NSMCE2: variants seen among roughly 807,000 people sequenced by gnomAD.
NSMCE2 encodes the protein E3 SUMO-protein ligase NSE2.
In NSMCE2, 24 loss-of-function variants were observed where a neutral mutation model predicts 23.8. That is an observed-to-expected ratio of 1.01 (90% CI 0.73 to 1.42). The LOEUF (loss-of-function observed/expected upper bound fraction) is 1.42, where lower values mean the gene tolerates loss of function less well. Among genes scored for constraint, NSMCE2 ranks in the 40% most tolerant of loss-of-function variants. The pLI, the probability that NSMCE2 is intolerant of heterozygous loss-of-function variation, is 0.00. For synonymous variants in NSMCE2, 92 were observed against 94.1 expected, an observed-to-expected ratio of 0.98 and a Z score of 0.13; for missense variants, 284 against 296.5, an observed-to-expected ratio of 0.96 and a Z score of 0.31.
chr8:125,258,540 A>T (rs1826538913), intron 5 of NSMCE2, among the ~76,000 whole-genome samples: 1 of 152,068 alleles, frequency 6.6e-6, no homozygotes, highest in Non-Finnish European at 1.5e-5. Flanking sequence ...CAGCCTGGAC[A>T]AAAGCAAAGT....
chr8:125,272,177 C>G (rs7826327), intron 5 of NSMCE2, among the ~76,000 whole-genome samples: 2 of 151,890 alleles, frequency 1.3e-5, no homozygotes, highest in Middle Eastern at 3.4e-3. Context: ...TCATGCCTGT[C>G]GAATTTTTTT....
intron 4 of NSMCE2, among the ~76,000 whole-genome samples, chr8:125,181,590 A>G (rs925696775): frequency 2.6e-5 from 4 of 152,084 alleles, no homozygotes; most frequent in Non-Finnish European, 5.9e-5. Context: ...CTTGAACAGA[A>G]CCAGGGGGCA....
At chr8:125,138,799 G>A (rs1820203267) in intron 3 of NSMCE2, among the ~76,000 whole-genome samples, 1 of 152,132 alleles carries the variant, frequency 6.6e-6, no homozygotes, top group African/African-American at 2.4e-5. Context: ...TGAAGCACTG[G>A]AATCTGGAAG....
rs113247784 is a variant in NSMCE2, at chr8:125,168,930, C to T, written c.265-13173C>T. ...CTTTATACACATTACCATGTATTCT[C>T]AACCAGGGTATAGTAGATAATAACA... is the stretch of plus-strand genomic sequence containing the variant. On this transcript the variant is annotated intron_variant, in intron 4 of 7. Transcript: ENST00000287437. Among the ~76,000 whole-genome samples, 320 of 152,312 alleles carry T rather than the reference C, an allele frequency of 2.1e-3. 2 individuals carry two copies. Among genetic ancestry groups the T allele is most frequent in the African/African-American group, 7.5e-3 (312 of 41,562 alleles).
At chr8:125,342,944 C>A (rs1248853819) in intron 5 of NSMCE2, among the ~76,000 whole-genome samples, 1 of 152,112 alleles carries the variant, frequency 6.6e-6, no homozygotes, top group Non-Finnish European at 1.5e-5. Flanking sequence ...TTAATATCTT[C>A]CGGATTGAAT....
At chr8:125,264,413 T>C (rs1826829308) in intron 5 of NSMCE2, among the ~76,000 whole-genome samples, 1 of 152,166 alleles carries the variant, frequency 6.6e-6, no homozygotes, top group African/African-American at 2.4e-5. Flanking sequence ...GTTCTTGTTT[T>C]TTCCTTTTTT....
At chr8:125,164,034 C>A (rs1194328007) in intron 4 of NSMCE2, among the ~76,000 whole-genome samples, 1 of 152,244 alleles carries the variant, frequency 6.6e-6, no homozygotes, top group Non-Finnish European at 1.5e-5. Flanking sequence ...CACCTCTCTT[C>A]TAGCTTCCCC....
chr8:125,154,642 C>G (rs1821216615), intron 4 of NSMCE2, among the ~76,000 whole-genome samples: 1 of 151,988 alleles, frequency 6.6e-6, no homozygotes, highest in African/African-American at 2.4e-5. Flanking sequence ...GGTTTTATAC[C>G]TGTCACAACT....
chr8:125,342,329 T>C (rs1343728958), intron 5 of NSMCE2, among the ~76,000 whole-genome samples: 1 of 152,222 alleles, frequency 6.6e-6, no homozygotes, highest in Non-Finnish European at 1.5e-5. Context: ...GTGAATGTCA[T>C]GAAGGAGGAA....
intron 4 of NSMCE2, among the ~76,000 whole-genome samples, chr8:125,172,982 T>G (rs182351057): frequency 6.6e-6 from 1 of 152,320 alleles, no homozygotes; most frequent in East Asian, 1.9e-4. Flanking sequence ...TATGGAGTTA[T>G]TTCTATCTTC....
intron 5 of NSMCE2, among the ~76,000 whole-genome samples, chr8:125,338,260 C>A (rs1464772309): frequency 1.4e-5 from 2 of 143,682 alleles, no homozygotes; most frequent in African/African-American, 5.1e-5. Context: ...AAGGCACTGT[C>A]TTTTTCTACC....
chr8:125,173,847 C>G (rs1822343660), intron 4 of NSMCE2, among the ~76,000 whole-genome samples: 1 of 152,156 alleles, frequency 6.6e-6, no homozygotes, highest in South Asian at 2.1e-4. Context: ...TAAGTTGAAA[C>G]TGGCTGACAC....
intron 5 of NSMCE2, among the ~76,000 whole-genome samples, chr8:125,215,339 A>G (rs1471662409): frequency 7.3e-5 from 11 of 150,070 alleles, no homozygotes; most frequent in African/African-American, 1.2e-4. Context: ...ATGATTTCCA[A>G]TTTCATCCAT....
rs118097749 is a variant in NSMCE2, at chr8:125,167,638, A to G, written c.265-14465A>G. The stretch of plus-strand genomic sequence containing the variant: ...AACTGAGCAAGACTCAGTCTCAAAA[A>G]AAAAATTGCAAAGTCAATCCTAAGG... On this transcript the variant is annotated intron_variant, in intron 4 of 7. Coordinates refer to ENST00000287437, the MANE Select transcript of NSMCE2 (RefSeq NM_173685.4). Among the ~76,000 whole-genome samples the G allele has an allele frequency of 5.3e-3, 808 of 152,320 alleles. 23 individuals carry two copies. The highest frequency in any genetic ancestry group is 0.033 in the Admixed American group (506 of 15,294).
chr8:125,294,384 T>TC (rs1828241120), intron 5 of NSMCE2, among the ~76,000 whole-genome samples: 1 of 152,172 alleles, frequency 6.6e-6, no homozygotes, highest in Non-Finnish European at 1.5e-5. Context: ...TGCCAGACTT[T>TC]TCCAAAAGGA....
Position 125,102,439 on chromosome 8 carries a change from G to A in NSMCE2, c.109G>A (p.Gly37Ser), listed in dbSNP as rs1429881192. ...AAACTTCCAAGCCTGTATCAACTCT[G>A]GTATGGACACAGCTTCTAGTGTTGC... ...LKNFQACINS[G>S]MDTASSVALD... The change falls in exon 3 of 8, where the codon GGT becomes AGT. Residue 37 changes from glycine to serine, a missense_variant. Physicochemically the swap from Gly to Ser is moderately conservative, Grantham distance 56. Coordinates refer to ENST00000287437, the MANE Select transcript of NSMCE2 (RefSeq NM_173685.4). The A allele has an allele frequency of 6.2e-7, 1 of 1,613,796 alleles. No homozygotes were observed. Among genetic ancestry groups the A allele is most frequent in the African/African-American group, 1.3e-5 (1 of 75,008 alleles).
intron 5 of NSMCE2, among the ~76,000 whole-genome samples, chr8:125,296,473 C>T (rs975403734): frequency 1.4e-5 from 2 of 147,090 alleles, no homozygotes; most frequent in Non-Finnish European, 1.5e-5. Context: ...CAGCTCACTG[C>T]GACCTCCAAC....
At chr8:125,316,903 C>T (rs535148193) in intron 5 of NSMCE2, among the ~76,000 whole-genome samples, 15 of 152,034 alleles carry the variant, frequency 9.9e-5, no homozygotes, top group African/African-American at 2.9e-4. Context: ...CTCAGCCCCC[C>T]GAGTAGCTGG....
intron 5 of NSMCE2, among the ~76,000 whole-genome samples, chr8:125,272,728 TAC>T (rs71295830): frequency 0.033 from 4,739 of 142,954 alleles, 186 homozygotes; most frequent in Middle Eastern, 0.053. Context: ...TATATATATA[TAC>T]ACACACACAC....
Sources: allele counts gnomAD v4.1 joint callset (sites outside exome capture counted in the v4.1 genomes callset), GRCh38; gene constraint gnomAD v4.1.1; transcripts MANE v1.5; gene names NCBI Gene and HGNC (gene_info 2026-07-23, HGNC 2026-07-21).